The following STK3 variants were observed in gnomAD, a reference collection of about 807,000 sequenced individuals.
The protein encoded by STK3 is serine/threonine-protein kinase 3.
STK3 carries 41 observed loss-of-function variants against 58.0 expected under a neutral mutation model. That is an observed-to-expected ratio of 0.71 (90% confidence interval 0.55 to 0.92). The LOEUF (loss-of-function observed/expected upper bound fraction) is 0.92, where lower values mean the gene tolerates loss of function less well. STK3 is among the 40% of genes least tolerant of loss of function. STK3 has a pLI of 0.00. For missense variants in STK3, 479 were observed against 602.7 expected, an observed-to-expected ratio of 0.79 and a Z score of 2.15; for synonymous variants, 170 against 191.0, an observed-to-expected ratio of 0.89 and a Z score of 0.91.
intron 3 of STK3, among the ~76,000 whole-genome samples, chr8:98,844,451 T>C (rs146880606): frequency 1.0e-4 from 15 of 150,734 alleles, no homozygotes; most frequent in Non-Finnish European, 1.9e-4. Flanking sequence ...CCAACACAGC[T>C]TGGTTTTGTG....
downstream of STK3, among the ~76,000 whole-genome samples, chr8:98,449,751 T>C (rs1204610987): frequency 6.6e-6 from 1 of 152,212 alleles, no homozygotes; most frequent in Non-Finnish European, 1.5e-5. Context: ...GAGGTGCCTT[T>C]AGGAGGTGAT....
At chr8:98,464,573 GAAAGAAAAAA>G (rs1183232056) in intron 10 of STK3, among the ~76,000 whole-genome samples, 5 of 108,022 alleles carry the variant, frequency 4.6e-5, no homozygotes, top group African/African-American at 1.4e-4. Context: ...AAGAAAGAAA[GAAAGAAAAAA>G]AAAGAAAAGA....
At chr8:98,917,122 A>G (rs955989038) in intron 1 of STK3, among the ~76,000 whole-genome samples, 1 of 152,198 alleles carries the variant, frequency 6.6e-6, no homozygotes, top group Non-Finnish European at 1.5e-5. Context: ...AAGTCAGAAA[A>G]CAGACGGAAA....
At chr8:98,891,466 G>A (rs914964422) in intron 1 of STK3, among the ~76,000 whole-genome samples, 3 of 152,098 alleles carry the variant, frequency 2.0e-5, no homozygotes, top group African/African-American at 7.2e-5. Flanking sequence ...ATGATTTCTA[G>A]GTAGATTCCT....
At chr8:98,456,231 T>C (rs1205447805) in intron 10 of STK3, among the ~76,000 whole-genome samples, 1 of 152,240 alleles carries the variant, frequency 6.6e-6, no homozygotes, top group Non-Finnish European at 1.5e-5. Flanking sequence ...AGCAATCCGA[T>C]CCTCTGCCTT....
chr8:98,652,392 G>A (rs1403379751), intron 6 of STK3, among the ~76,000 whole-genome samples: 2 of 152,178 alleles, frequency 1.3e-5, no homozygotes, highest in Non-Finnish European at 2.9e-5. Context: ...GAATTGTAAA[G>A]ACCACCAATG....
chr8:98,532,595 T>C lies in STK3; in HGVS notation c.1142-5678A>G, dbSNP rs148423938. On this transcript the variant is annotated intron_variant, in intron 9 of 10. Transcript: ENST00000419617. ...GCCAATAGACTTGCTTGACACAAGG[T>C]TGCCACAAACCTTCAATCTGTAAAA... is the stretch of plus-strand genomic sequence containing the variant. Among the ~76,000 whole-genome samples the C allele has an allele frequency of 7.6e-4, 115 of 152,284 alleles. 4 individuals carry two copies. In the East Asian group the frequency reaches 0.015, roughly 20 times the overall value.
chr8:98,690,500 G>A (rs372822118), intron 6 of STK3, among the ~76,000 whole-genome samples: 182 of 149,092 alleles, frequency 1.2e-3, no homozygotes, highest in African/African-American at 4.2e-3. Flanking sequence ...GGAGGTGAAG[G>A]ATCTCCACAA....
intron 6 of STK3, among the ~76,000 whole-genome samples, chr8:98,702,996 T>C (rs956699692): frequency 1.3e-5 from 2 of 152,252 alleles, no homozygotes; most frequent in Non-Finnish European, 2.9e-5. Flanking sequence ...TGTCTCATTG[T>C]GGCAACTTTG....
rs558391131 is a variant in STK3 at position 98,904,361 on chromosome 8, AG to A, written c.-78-20528del. Reference sequence around the variant, plus strand: ...ATAATCCTTACCTAGGGCTGTTCAGAGGCTGAGAATATAAGGAACAGAGTAA... The same window carrying A: ...ATAATCCTTACCTAGGGCTGTTCAGAGCTGAGAATATAAGGAACAGAGTAA... On this transcript the variant is annotated intron_variant, in intron 1 of 1. Coordinates refer to the STK3 transcript ENST00000519420. Among the ~76,000 whole-genome samples, 1,074 of 152,306 alleles carry A rather than the reference AG, an allele frequency of 7.1e-3. 9 individuals are homozygous for A. Among genetic ancestry groups the A allele is most frequent in the African/African-American group, 0.024 (1,005 of 41,558 alleles).
chr8:98,472,199 G>A (rs1226398869), intron 10 of STK3, among the ~76,000 whole-genome samples: 1 of 152,190 alleles, frequency 6.6e-6, no homozygotes, highest in Non-Finnish European at 1.5e-5. Flanking sequence ...GAATTTTGGA[G>A]CTGGCACTCT....
At position 98,760,382 on chromosome 8, in the gene STK3, C is replaced by T. The variant is rs577333319; in HGVS notation, c.236+6861G>A. On this transcript the variant is annotated intron_variant, in intron 3 of 10. Transcript: ENST00000419617. ...CTCAAATTCCTGGCTTCAAGTGACC[C>T]TCCTGCTTTGGCCTCCCAAAGCACT... Among the ~76,000 whole-genome samples, 35 of 152,280 alleles carry T rather than the reference C, an allele frequency of 2.3e-4. 1 individual carries two copies. The highest frequency in any genetic ancestry group is 6.0e-4 in the African/African-American group (25 of 41,558).
At chr8:98,367,614 C>G (rs1381975173), downstream of STK3, among the ~76,000 whole-genome samples, 1 of 152,190 alleles carries the variant, frequency 6.6e-6, no homozygotes, top group East Asian at 1.9e-4. Flanking sequence ...GGGGCTGGAG[C>G]GGGGTTTCTT....
chr8:98,776,963 T>C (rs1349869423), intron 1 of STK3, among the ~76,000 whole-genome samples: 1 of 151,218 alleles, frequency 6.6e-6, no homozygotes. Flanking sequence ...GGCAGGAGAA[T>C]GGCGTGAACC....
At chr8:98,842,539 G>A (rs769759829) in intron 3 of STK3, among the ~76,000 whole-genome samples, 6 of 152,002 alleles carry the variant, frequency 3.9e-5, no homozygotes, top group Non-Finnish European at 5.9e-5. Flanking sequence ...TTAGCTGGGC[G>A]TGGTGGCATG....
At chr8:98,911,956 G>A (rs1839153601) in intron 1 of STK3, among the ~76,000 whole-genome samples, 1 of 152,094 alleles carries the variant, frequency 6.6e-6, no homozygotes, top group Non-Finnish European at 1.5e-5. Context: ...TTAGGTTATA[G>A]AAAAACATTA....
intron 6 of STK3, among the ~76,000 whole-genome samples, chr8:98,605,365 G>A (rs1281491524): frequency 6.6e-6 from 1 of 151,824 alleles, no homozygotes; most frequent in South Asian, 2.1e-4. Context: ...AAGCATAGCA[G>A]CTTCTGTTTC....
chr8:98,897,158 T>G (rs1838482068), intron 1 of STK3, among the ~76,000 whole-genome samples: 4 of 152,140 alleles, frequency 2.6e-5, no homozygotes, highest in Admixed American at 2.6e-4. Flanking sequence ...GACCAATCGA[T>G]CCCAATCCAT....
the STK3 span, among the ~76,000 whole-genome samples, chr8:98,347,611 G>A: frequency 6.6e-6 from 1 of 151,632 alleles, no homozygotes; most frequent in Non-Finnish European, 1.5e-5. Flanking sequence ...GGGACAAATA[G>A]AAAAAAATTA....
Sources: allele counts gnomAD v4.1 joint callset (sites outside exome capture counted in the v4.1 genomes callset), GRCh38; gene constraint gnomAD v4.1.1; transcripts MANE v1.5; gene names NCBI Gene and HGNC (gene_info 2026-07-23, HGNC 2026-07-21).